The following COG8 variants were observed in gnomAD, a reference collection of about 807,000 sequenced individuals.
COG8 encodes conserved oligomeric Golgi complex subunit 8.
COG8 carries 45 observed loss-of-function variants against 46.5 expected under a neutral mutation model. That is an observed-to-expected ratio of 0.97 (90% CI 0.76 to 1.24). The LOEUF (loss-of-function observed/expected upper bound fraction) is 1.24, where lower values mean the gene tolerates loss of function less well. Ranked by LOEUF, COG8 falls within the 50% of genes most tolerant of loss-of-function variation. The pLI is 0.00. For synonymous variants in COG8, 407 were observed against 347.8 expected, an observed-to-expected ratio of 1.17 and a Z score of -1.90; for missense variants, 793 against 820.8, an observed-to-expected ratio of 0.97 and a Z score of 0.41.
intron 4 of COG8, among the ~76,000 whole-genome samples, 153 bp from the exon 5 acceptor site, chr16:69,331,248 T>C (rs1239714155): frequency 1.3e-5 from 2 of 151,630 alleles, no homozygotes; most frequent in Non-Finnish European, 2.9e-5. Flanking sequence ...AGGTCAGGAA[T>C]TCGAGACCAG....
intron 4 of COG8, among the ~76,000 whole-genome samples, chr16:69,332,284 A>T (rs2011920545): frequency 6.6e-6 from 1 of 151,380 alleles, no homozygotes; most frequent in Admixed American, 6.6e-5. Flanking sequence ...CGGGAGGTGG[A>T]GGTTGCAGTG....
intron 5 of COG8, chr16:69,330,562 C>G (rs1018138824): frequency 2.7e-6 from 4 of 1,465,506 alleles, no homozygotes; most frequent in Non-Finnish European, 2.7e-6. Context: ...CGCCCCACAG[C>G]CGGGCCATGG....
chr16:69,338,761 G>A (rs1406880845), intron 1 of COG8, among the ~76,000 whole-genome samples: 3 of 152,154 alleles, frequency 2.0e-5, no homozygotes, highest in African/African-American at 7.2e-5. Context: ...AGGCCGAGGC[G>A]GACAGATCAC....
At chr16:69,333,067 A>G (rs112214028) in intron 3 of COG8, among the ~76,000 whole-genome samples, 185 bp from the exon 4 acceptor site, 1 of 149,060 alleles carries the variant, frequency 6.7e-6, no homozygotes, top group Non-Finnish European at 1.5e-5. Flanking sequence ...GTGTCACTTT[A>G]TTAATGTGAA....
In COG8 at chr16:69,328,136, CAG is replaced by C. The variant is rs1408540584; in HGVS notation, c.*1068_*1069del. On this transcript the variant is annotated 3_prime_UTR_variant, in exon 6 of 6. Transcript: ENST00000306875. ...CTAATTTTTGTATCTTTAGTAGAGA[CAG>C]GGTTTCACCATCTTGGCCAGGCTGG... 1 of 152,190 alleles carries C rather than the reference CAG, an allele frequency of 6.6e-6. No homozygotes were observed. 9.4% of individuals were successfully genotyped at this position (152,190 alleles called of 1,614,324 possible).
At chr16:69,329,253 C>T in intron 5 of COG8, 74 bp from the exon 6 acceptor site, 1 of 1,429,226 alleles carries the variant, frequency 7.0e-7, no homozygotes. Context: ...TACCCCTGCC[C>T]CCGGTCCTGG....
chr16:69,333,596 G>T (rs1261986209), intron 3 of COG8, among the ~76,000 whole-genome samples: 1 of 152,226 alleles, frequency 6.6e-6, no homozygotes, highest in Non-Finnish European at 1.5e-5. Flanking sequence ...CTGGAAAACT[G>T]TAAGAAAACA....
At position 69,327,806 on chromosome 16, in the gene COG8, A is replaced by AT. The variant is rs1366025429; in HGVS notation, c.*1399dup. ...GCAGGAGGATTGCCTGAGACCAGGA[A>AT]TTTGAGGCCAGCCTGGGCAACATAG... is the stretch of plus-strand genomic sequence containing the variant. On this transcript the variant is annotated 3_prime_UTR_variant, in exon 6 of 6. Transcript: ENST00000306875. The AT allele has an allele frequency of 6.6e-6, 1 of 152,064 alleles. No homozygotes were observed. The highest frequency in any genetic ancestry group is 1.9e-4 in the East Asian group (1 of 5,162). The allele number at this position is 152,064 out of a possible 1,614,324, so 9.4% of individuals were successfully genotyped here.
chr16:69,331,007 T>G lies in COG8; in HGVS notation c.1671A>C (p.Pro557=), dbSNP rs776006207. The G allele has an allele frequency of 6.2e-6, 10 of 1,612,268 alleles. No individual in the cohort carries two copies. The East Asian group carries it at 2.2e-4, about 36-fold the overall frequency. ...AIQEPLAFIL[P]KRETLFTLDD... ...CCAGGGTGAAAAGCGTCTCTCTCTT[T>G]GGCAGGATAAAGGCGAGGGGCTCCT... Residue 557 remains proline, a synonymous_variant, in exon 5 of 6, where the codon CCA becomes CCC. Coordinates refer to ENST00000306875, the MANE Select transcript of COG8 (RefSeq NM_032382.5).
At chr16:69,330,295 C>T (rs1208532879) in intron 5 of COG8, 3 of 1,428,210 alleles carry the variant, frequency 2.1e-6, no homozygotes, top group African/African-American at 3.0e-5. Context: ...TCAGCCGCTG[C>T]AGCTCGGGCC....
At chr16:69,332,509 G>A (rs926724007) in intron 4 of COG8, 1 of 635,206 alleles carries the variant, frequency 1.6e-6, no homozygotes, top group Non-Finnish European at 2.8e-6. Flanking sequence ...GCAAATCTAT[G>A]GCAACAGAAA....
rs779008742 is a variant in COG8 at position 69,335,237 on chromosome 16, G to A, written c.697C>T (p.Arg233Trp). The change falls in exon 3 of 6, where the codon CGG becomes TGG. Residue 233 changes from arginine (R) to tryptophan (W), a missense_variant. Coordinates refer to ENST00000306875, the MANE Select transcript of COG8 (RefSeq NM_032382.5). ...GCCTCAGTGAAGACGTCCATGCGCC[G>A]CAGGTAGCCAATGACACGGAGGCAG... ...PACLRVIGYLRRMDVFTEAEL... is the reference protein window; with the variant it reads ...PACLRVIGYLWRMDVFTEAEL... 12 of 1,613,768 alleles carry A rather than the reference G, an allele frequency of 7.4e-6. 1 individual carries two copies. Among genetic ancestry groups the A allele is most frequent in the South Asian group, 4.4e-5 (4 of 91,050 alleles).
chr16:69,330,511 G>GCCCCA, intron 5 of COG8: 2 of 1,471,786 alleles, frequency 1.4e-6, no homozygotes, highest in East Asian at 5.9e-5. Flanking sequence ...CTGCCGCCCC[G>GCCCCA]CCCCACGGCA....
intron 1 of COG8, among the ~76,000 whole-genome samples, chr16:69,338,032 T>G (rs1046571407): frequency 6.6e-6 from 1 of 151,838 alleles, no homozygotes; most frequent in Admixed American, 6.6e-5. Context: ...GCACCCAGCC[T>G]TTTTTTCTTT....
intron 1 of COG8, 44 bp from the exon 2 acceptor site, chr16:69,336,756 C>G: frequency 6.4e-7 from 1 of 1,557,980 alleles, no homozygotes; most frequent in Non-Finnish European, 8.9e-7. Context: ...TGCTCTGTAC[C>G]CAAACCTTAG....
chr16:69,339,167 G>A lies in COG8; in HGVS notation c.377+9C>T, dbSNP rs754185447. ...TTATAAAACCCCTTTAGCGCCAGGC[G>A]CGTCGCACCTGCAGCTCTGCTGGAA... On this transcript the variant is annotated intron_variant, in intron 1 of 5. Coordinates refer to ENST00000306875, the MANE Select transcript of COG8 (RefSeq NM_032382.5). 9.9e-6 allele frequency: 16 copies of A among 1,612,920 alleles called. No homozygotes were observed. The highest frequency in any genetic ancestry group is 1.3e-5 in the African/African-American group (1 of 75,060).
chr16:69,333,324 G>A (rs2012009277), intron 3 of COG8, among the ~76,000 whole-genome samples: 2 of 152,036 alleles, frequency 1.3e-5, no homozygotes, highest in Admixed American at 1.3e-4. Context: ...GCACCATCAC[G>A]TCTGGCTAAG....
In COG8 at chr16:69,330,858, G is replaced by A; in HGVS notation, c.1820C>T (p.Pro607Leu). 2 of 1,541,952 alleles carry A rather than the reference G, an allele frequency of 1.3e-6. No individual in the cohort carries two copies. The highest frequency in any genetic ancestry group is 1.2e-5 in the South Asian group (1 of 83,868). Reference sequence around the variant, plus strand: ...CGCCGGCTAGGGCCCCACGCTGGGCGGTTCGGCCTGCGTCTCCGCTCGCCC... The same window carrying A: ...CGCCGGCTAGGGCCCCACGCTGGGCAGTTCGGCCTGCGTCTCCGCTCGCCC... Reference protein sequence around the residue: ...EGGRAETQAEPPSVGP With the variant: ...EGGRAETQAELPSVGP The change falls in exon 5 of 6, where the codon CCG becomes CTG. Residue 607 changes from proline to leucine, a missense_variant. Coordinates refer to ENST00000306875, the MANE Select transcript of COG8 (RefSeq NM_032382.5).
Position 69,330,929 on chromosome 16 carries a change from G to A in COG8, c.1749C>T (p.Ala583=). 6.4e-7 allele frequency: 1 copy of A among 1,558,452 alleles called. No individual in the cohort carries two copies. The highest frequency in any genetic ancestry group is 2.4e-5 in the East Asian group (1 of 41,598). The change falls in exon 5 of 6, where the codon GCC becomes GCT. Residue 583 remains alanine, a synonymous_variant. Transcript: ENST00000306875. The stretch of plus-strand genomic sequence containing the variant: ...CCGCGGGCTCCAGGCGTGGCTCCTC[G>A]GCGGGAGGCTCTGGTGCTGGAGCTG... ...ELTAPAPEPP[A]EEPRLEPAGP...
Sources: gnomAD v4.1 joint callset for allele counts (sites outside exome capture counted in the v4.1 genomes callset) on GRCh38, gnomAD v4.1.1 for gene constraint, MANE v1.5 for transcripts, NCBI Gene and HGNC (gene_info 2026-07-23, HGNC 2026-07-21) for gene names.